Variants in TSC22D1 observed in about 807,000 individuals in gnomAD.
TSC22D1 encodes the protein TSC22 domain family member 1.
Under a neutral mutation model 74.2 loss-of-function variants are expected in TSC22D1, and 9 were observed. The ratio of observed to expected loss-of-function variants is 0.12; its 90% CI spans 0.07 to 0.21. TSC22D1 has a LOEUF of 0.21. TSC22D1 is among the 10% of genes least tolerant of loss of function. The pLI, the probability that TSC22D1 is intolerant of heterozygous loss-of-function variation, is 1.00. For synonymous variants in TSC22D1, 586 were observed against 492.5 expected, an observed-to-expected ratio of 1.19 and a Z score of -2.51; for missense variants, 1,427 against 1,304.7, an observed-to-expected ratio of 1.09 and a Z score of -1.44.
chr13:44,476,636 T>C (rs1014656579), intron 1 of TSC22D1, among the ~76,000 whole-genome samples: 21 of 152,206 alleles, frequency 1.4e-4, no homozygotes, highest in African/African-American at 4.8e-4. Context: ...TTTTCTATAG[T>C]TAGTAATTAC....
chr13:44,574,152 G>A lies in TSC22D1; in HGVS notation c.1923C>T (p.Ala641=). The part of the protein sequence containing the change: ...QQQPMVSTQM[A]PGHVKSVTQN... ...GAGTCACTGATTTGACATGGCCTGG[G>A]GCCATCTGTGTAGAAACCATTGGTT... The change falls in exon 1 of 3, where the codon GCC becomes GCT. Residue 641 remains alanine, a synonymous_variant. Transcript: ENST00000458659. 1.2e-6 allele frequency: 2 copies of A among 1,614,218 alleles called. No homozygotes were observed. Among genetic ancestry groups the A allele is most frequent in the South Asian group, 1.1e-5 (1 of 91,086 alleles).
intron 1 of TSC22D1, among the ~76,000 whole-genome samples, chr13:44,453,483 T>C (rs992924670): frequency 7.2e-5 from 11 of 152,236 alleles, no homozygotes; most frequent in Non-Finnish European, 1.6e-4. Flanking sequence ...TGTTTATATC[T>C]TTATATGTAT....
chr13:44,475,757 T>C (rs1001304430), intron 1 of TSC22D1, among the ~76,000 whole-genome samples: 12 of 152,212 alleles, frequency 7.9e-5, no homozygotes, highest in Admixed American at 6.5e-4. Context: ...AATAGTCCTA[T>C]ATTGCCATCA....
chr13:44,512,270 C>T (rs1595128228), intron 1 of TSC22D1, among the ~76,000 whole-genome samples: 2 of 151,886 alleles, frequency 1.3e-5, no homozygotes, highest in Admixed American at 1.3e-4. Flanking sequence ...CCCAGGTTCA[C>T]GCCATTCTCC....
At chr13:44,500,970 G>C (rs994206884) in intron 1 of TSC22D1, among the ~76,000 whole-genome samples, 1 of 152,166 alleles carries the variant, frequency 6.6e-6, no homozygotes, top group African/African-American at 2.4e-5. Flanking sequence ...ACAGGCATGA[G>C]CAACTATGTG....
chr13:44,543,174 C>T (rs924198859), intron 1 of TSC22D1, among the ~76,000 whole-genome samples: 6 of 151,550 alleles, frequency 4.0e-5, no homozygotes, highest in African/African-American at 1.5e-4. Context: ...ATATAAATAC[C>T]ACTGAGAAAA....
intron 1 of TSC22D1, chr13:44,536,617 A>G: frequency 3.9e-6 from 2 of 517,422 alleles, no homozygotes; most frequent in Non-Finnish European, 5.0e-6. Flanking sequence ...ATTATTTTCA[A>G]ATGTTCTTCT....
chr13:44,440,736 G>A (rs921926818), intron 1 of TSC22D1, among the ~76,000 whole-genome samples: 1 of 151,908 alleles, frequency 6.6e-6, no homozygotes. Flanking sequence ...AGAACTGAAG[G>A]ACACAAGTCT....
intron 1 of TSC22D1, among the ~76,000 whole-genome samples, chr13:44,552,920 G>A (rs539546242): frequency 2.0e-5 from 3 of 152,248 alleles, no homozygotes; most frequent in East Asian, 1.9e-4. Flanking sequence ...CCCGGAAGGC[G>A]AAGCTTGCAG....
chr13:44,444,696 T>C (rs1372796211), intron 1 of TSC22D1, among the ~76,000 whole-genome samples: 1 of 151,962 alleles, frequency 6.6e-6, no homozygotes, highest in Non-Finnish European at 1.5e-5. Flanking sequence ...AATACACACG[T>C]CTAAGTAACC....
chr13:44,479,812 T>C (rs953501173), intron 1 of TSC22D1, among the ~76,000 whole-genome samples: 1 of 152,220 alleles, frequency 6.6e-6, no homozygotes, highest in Non-Finnish European at 1.5e-5. Context: ...TATCAAATAC[T>C]CAAACCAATG....
intron 1 of TSC22D1, chr13:44,539,756 A>G: frequency 7.9e-7 from 1 of 1,266,446 alleles, no homozygotes; most frequent in Non-Finnish European, 1.0e-6. Flanking sequence ...TAAATAATGG[A>G]AAGCACCCAC....
chr13:44,549,778 A>AG (rs1273702285), intron 1 of TSC22D1, among the ~76,000 whole-genome samples: 2 of 146,464 alleles, frequency 1.4e-5, no homozygotes, highest in African/African-American at 5.0e-5. Flanking sequence ...AAAAAAAAGA[A>AG]AAAAAAAAAA....
In TSC22D1 at chr13:44,464,626, T is replaced by G. The variant is rs77902003; in HGVS notation, c.2913-28531A>C. Among the ~76,000 whole-genome samples, 693 of 152,358 alleles carry G rather than the reference T, an allele frequency of 4.5e-3. 4 individuals are homozygous for G. The highest frequency in any genetic ancestry group is 0.016 in the African/African-American group (659 of 41,578). On this transcript the variant is annotated intron_variant, in intron 1 of 2. Transcript: ENST00000458659. ...AAAATTGTATTGGTTCACAGGGTTT[T>G]TTCCTTCACAAGAGCACTCAGTACA...
intron 1 of TSC22D1, among the ~76,000 whole-genome samples, chr13:44,531,714 G>A (rs1880848391): frequency 6.6e-6 from 1 of 152,100 alleles, no homozygotes; most frequent in Admixed American, 6.5e-5. Context: ...AACACCTCAT[G>A]TCTTCCAGGA....
At chr13:44,447,413 T>C (rs1875768768) in intron 1 of TSC22D1, among the ~76,000 whole-genome samples, 1 of 152,210 alleles carries the variant, frequency 6.6e-6, no homozygotes, top group Admixed American at 6.5e-5. Context: ...ATTTTATAAC[T>C]AATTGTTCTA....
At chr13:44,544,726 A>G (rs555633229) in intron 1 of TSC22D1, among the ~76,000 whole-genome samples, 2 of 152,212 alleles carry the variant, frequency 1.3e-5, no homozygotes, top group East Asian at 3.9e-4. Context: ...CATTATCTGT[A>G]TATTTTCTCT....
At chr13:44,484,709 T>C (rs1878345659) in intron 1 of TSC22D1, among the ~76,000 whole-genome samples, 1 of 152,208 alleles carries the variant, frequency 6.6e-6, no homozygotes, top group Non-Finnish European at 1.5e-5. Flanking sequence ...ATAGTACATA[T>C]GCAGCACCAC....
intron 1 of TSC22D1, among the ~76,000 whole-genome samples, chr13:44,500,779 G>A (rs891740386): frequency 6.6e-6 from 1 of 152,108 alleles, no homozygotes; most frequent in Admixed American, 6.5e-5. Flanking sequence ...CAAATTCCTG[G>A]GTTCAAGCAA....
Sources: allele counts gnomAD v4.1 joint callset (sites outside exome capture counted in the v4.1 genomes callset), GRCh38; gene constraint gnomAD v4.1.1; transcripts MANE v1.5; gene names NCBI Gene and HGNC (gene_info 2026-07-23, HGNC 2026-07-21).